The following ZMIZ1 variants were observed in gnomAD, a reference collection of about 807,000 sequenced individuals.
ZMIZ1 encodes zinc finger MIZ-type containing 1.
A neutral mutation model predicts 113.9 loss-of-function variants in ZMIZ1; 17 were observed. The ratio of observed to expected loss-of-function variants is 0.15; its 90% CI spans 0.10 to 0.22. ZMIZ1 has a LOEUF of 0.22. Ranked by LOEUF, ZMIZ1 falls within the 10% of genes least tolerant of loss-of-function variation. The pLI is 1.00. For synonymous variants in ZMIZ1, 607 were observed against 603.1 expected (o/e 1.01, Z -0.09); for missense variants, 1,059 against 1,477.8 (o/e 0.72, Z 4.65).
At chr10:79,078,606 G>A (rs1589246933) in intron 1 of ZMIZ1, among the ~76,000 whole-genome samples, 1 of 142,022 alleles carries the variant, frequency 7.0e-6, no homozygotes, top group South Asian at 2.3e-4. Context: ...GTGCAGTGGT[G>A]CAATCTCAGC....
chr10:79,232,699 T>A (rs901462934), intron 7 of ZMIZ1, among the ~76,000 whole-genome samples: 1 of 152,002 alleles, frequency 6.6e-6, no homozygotes, highest in Non-Finnish European at 1.5e-5. Flanking sequence ...AGTTAAGGAG[T>A]TACCATGTTT....
chr10:79,269,297 C>T (rs1343625342), intron 7 of ZMIZ1, among the ~76,000 whole-genome samples: 1 of 152,090 alleles, frequency 6.6e-6, no homozygotes, highest in Non-Finnish European at 1.5e-5. Context: ...TCATGAATCC[C>T]ACTTGCCACC....
Position 79,119,026 on chromosome 10 carries a change from T to TA in ZMIZ1, c.-227+4dup, listed in dbSNP as rs1275196850. On this transcript the variant is annotated splice_region_variant and intron_variant, in intron 2 of 24. Transcript: ENST00000334512. ...GTCCTTCTGCAGAGGCCTGAGCAGG[T>TA]AAGTGGGATGGGCTGGCCCTCTGGT... is the stretch of plus-strand genomic sequence containing the variant. 1 of 152,328 alleles carries TA rather than the reference T, an allele frequency of 6.6e-6. No individual in the cohort carries two copies. The highest frequency in any genetic ancestry group is 1.5e-5 in the Non-Finnish European group (1 of 68,120). The allele number at this position is 152,328 out of a possible 1,614,324, so 9.4% of individuals were successfully genotyped here.
chr10:79,168,566 G>C lies in ZMIZ1; in HGVS notation c.-50+6433G>C, dbSNP rs1373232568. Among the ~76,000 whole-genome samples the C allele has an allele frequency of 2.0e-5, 3 of 152,294 alleles. No homozygotes were observed. In the South Asian group the frequency reaches 6.2e-4, roughly 32 times the overall value. On this transcript the variant is annotated intron_variant, in intron 4 of 24. Transcript: ENST00000334512. Reference sequence around the variant, plus strand: ...CAGGCACCCAGCTTGTGCACCCTCAGCTTCCTCTGGGCATAGCAACAAGGT... The same window carrying C: ...CAGGCACCCAGCTTGTGCACCCTCACCTTCCTCTGGGCATAGCAACAAGGT...
At chr10:79,184,338 T>C (rs703979) in intron 4 of ZMIZ1, among the ~76,000 whole-genome samples, 89,710 of 151,980 alleles carry the variant, frequency 0.59, 26,667 homozygotes, top group East Asian at 0.7. Context: ...AGCGTGAGAA[T>C]AGGCCTTGGA....
intron 1 of ZMIZ1, among the ~76,000 whole-genome samples, chr10:79,070,493 G>A (rs973966755): frequency 1.3e-5 from 2 of 152,162 alleles, no homozygotes; most frequent in East Asian, 1.9e-4. Flanking sequence ...TAAACAACCC[G>A]GGCGGGAGGG....
At chr10:79,178,420 C>T (rs1846964605) in intron 4 of ZMIZ1, among the ~76,000 whole-genome samples, 1 of 152,186 alleles carries the variant, frequency 6.6e-6, no homozygotes, top group South Asian at 2.1e-4. Context: ...CATCACCCCT[C>T]CTATGTTCCT....
At chr10:79,114,506 C>CGTGTGTGTGTGTGT (rs57304757) in intron 1 of ZMIZ1, among the ~76,000 whole-genome samples, 99 of 93,240 alleles carry the variant, frequency 1.1e-3, no homozygotes, top group African/African-American at 4.3e-3. Context: ...TGTGTGTGTG[C>CGTGTGTGTGTGTGT]GTGTGTGTGT....
At chr10:79,107,525 A>T (rs1843604773) in intron 1 of ZMIZ1, among the ~76,000 whole-genome samples, 1 of 152,178 alleles carries the variant, frequency 6.6e-6, no homozygotes, top group Admixed American at 6.5e-5. Context: ...GGTGAATGTG[A>T]GGTGGGAGGC....
Position 79,291,183 on chromosome 10 carries a change from A to C in ZMIZ1, c.758+7A>C, listed in dbSNP as rs750083272. 1.3e-6 allele frequency: 2 copies of C among 1,592,740 alleles called. No homozygotes were observed. The highest frequency in any genetic ancestry group is 1.7e-5 in the Admixed American group (1 of 58,572). On this transcript the variant is annotated splice_region_variant and intron_variant, in intron 10 of 24. Coordinates refer to ENST00000334512, the MANE Select transcript of ZMIZ1 (RefSeq NM_020338.4). ...GCGGGGGCTTTGGGGCCAGGTGAGCAGGGCTGACCTGTGGCAGAAGCCATG... is the reference window on the plus strand; with the variant it reads ...GCGGGGGCTTTGGGGCCAGGTGAGCCGGGCTGACCTGTGGCAGAAGCCATG...
intron 3 of ZMIZ1, among the ~76,000 whole-genome samples, chr10:79,159,204 G>A (rs559126028): frequency 7.2e-5 from 11 of 152,324 alleles, no homozygotes; most frequent in African/African-American, 2.6e-4. Flanking sequence ...GCCCCTCGTG[G>A]TTTATCCTTG....
At chr10:79,206,862 A>G (rs1335499269) in intron 5 of ZMIZ1, among the ~76,000 whole-genome samples, 1 of 152,086 alleles carries the variant, frequency 6.6e-6, no homozygotes, top group Non-Finnish European at 1.5e-5. Context: ...CTCTCCCTTT[A>G]CTTCCATGGA....
At chr10:79,286,666 GT>G (rs1853106031) in intron 8 of ZMIZ1, among the ~76,000 whole-genome samples, 1 of 152,252 alleles carries the variant, frequency 6.6e-6, no homozygotes, top group African/African-American at 2.4e-5. Context: ...GTTTGGGAAC[GT>G]TGGTTAGCTT....
chr10:79,159,377 T>C (rs1260175458), intron 3 of ZMIZ1, among the ~76,000 whole-genome samples: 1 of 152,214 alleles, frequency 6.6e-6, no homozygotes, highest in Non-Finnish European at 1.5e-5. Context: ...TCCTGGTTCC[T>C]GAGCCCCCCT....
intron 23 of ZMIZ1, 64 bp from the exon 24 acceptor site, chr10:79,310,860 C>T: frequency 6.5e-7 from 1 of 1,530,770 alleles, no homozygotes; most frequent in Non-Finnish European, 8.8e-7. Flanking sequence ...TCATTTTCTC[C>T]AGGCATCATC....
chr10:79,108,033 AAC>A (rs958972503), intron 1 of ZMIZ1, among the ~76,000 whole-genome samples: 3 of 152,104 alleles, frequency 2.0e-5, no homozygotes, highest in Non-Finnish European at 4.4e-5. Flanking sequence ...AGCCCCTCCC[AAC>A]ACAGTCACCA....
intron 7 of ZMIZ1, among the ~76,000 whole-genome samples, chr10:79,216,567 C>T (rs371138150): frequency 6.6e-6 from 1 of 152,180 alleles, no homozygotes; most frequent in East Asian, 1.9e-4. Context: ...CCAGCATCAG[C>T]TCACTCCATC....
intron 21 of ZMIZ1, among the ~76,000 whole-genome samples, chr10:79,305,883 C>T (rs1340578249): frequency 2.0e-5 from 3 of 152,348 alleles, no homozygotes; most frequent in African/African-American, 7.2e-5. Context: ...AGGCCAGCTG[C>T]CCTGTGCCCA....
chr10:79,128,505 G>A (rs1316547663), intron 2 of ZMIZ1, among the ~76,000 whole-genome samples: 2 of 152,316 alleles, frequency 1.3e-5, no homozygotes, highest in Non-Finnish European at 2.9e-5. Flanking sequence ...AGAATGAATC[G>A]CAGTGGGCAA....
Sources: gnomAD v4.1 joint callset for allele counts (sites outside exome capture counted in the v4.1 genomes callset) on GRCh38, gnomAD v4.1.1 for gene constraint, MANE v1.5 for transcripts, NCBI Gene and HGNC (gene_info 2026-07-23, HGNC 2026-07-21) for gene names.